The following PDE1A variants were observed in gnomAD, a reference collection of about 807,000 sequenced individuals.
PDE1A encodes phosphodiesterase 1A, also known as dual specificity calcium/calmodulin-dependent 3',5'-cyclic nucleotide phosphodiesterase 1A.
A neutral mutation model predicts 61.7 loss-of-function variants in PDE1A; 35 were observed. The observed-to-expected ratio is 0.57, with a 90% confidence interval of 0.43 to 0.75. The LOEUF (loss-of-function observed/expected upper bound fraction) is 0.75. PDE1A is among the 30% of genes least tolerant of loss of function. The pLI is 0.00. For synonymous variants in PDE1A, 232 were observed against 213.2 expected (o/e 1.09, Z -0.77); for missense variants, 597 against 630.6 (o/e 0.95, Z 0.57).
exon 5 of PDE1A, chr2:182,231,091 T>C (rs1338896657): frequency 1.2e-6 from 2 of 1,607,820 alleles, no homozygotes; most frequent in Non-Finnish European, 1.7e-6. Context: ...TCCACTTGCT[T>C]CATTTAGGGC....
chr2:182,383,504 A>G (rs114532082), intron 1 of PDE1A, among the ~76,000 whole-genome samples: 1 of 152,220 alleles, frequency 6.6e-6, no homozygotes, highest in Non-Finnish European at 1.5e-5. Flanking sequence ...AATAAATTTA[A>G]AACATATATA....
intron 1 of PDE1A, among the ~76,000 whole-genome samples, chr2:182,406,731 T>C (rs371535156): frequency 6.6e-6 from 1 of 152,128 alleles, no homozygotes; most frequent in Admixed American, 6.5e-5. Context: ...AAATATTTTC[T>C]TTAGTTGAAA....
intron 1 of PDE1A, among the ~76,000 whole-genome samples, chr2:182,278,456 T>G (rs1693586819): frequency 6.6e-6 from 1 of 152,016 alleles, no homozygotes; most frequent in African/African-American, 2.4e-5. Context: ...TAGAGAAAGT[T>G]TAGCATTAAA....
the PDE1A span, among the ~76,000 whole-genome samples, chr2:182,713,540 A>C: frequency 6.6e-6 from 1 of 152,190 alleles, no homozygotes; most frequent in East Asian, 1.9e-4. Flanking sequence ...CTGAGACAGG[A>C]GAATTGCTTG....
the PDE1A span, among the ~76,000 whole-genome samples, chr2:182,671,561 C>T: frequency 2.7e-5 from 4 of 150,760 alleles, 1 homozygote; most frequent in Non-Finnish European, 3.0e-5. Context: ...ATTTCTTGAC[C>T]CTTCCTTACT....
chr2:182,229,331 T>C (rs1689383732), intron 6 of PDE1A, among the ~76,000 whole-genome samples: 1 of 152,122 alleles, frequency 6.6e-6, no homozygotes, highest in African/African-American at 2.4e-5. Context: ...TGCTCCTTTT[T>C]TGAACCCAGC....
At chr2:182,390,865 TGAG>T (rs1701381719) in intron 1 of PDE1A, among the ~76,000 whole-genome samples, 1 of 152,172 alleles carries the variant, frequency 6.6e-6, no homozygotes, top group African/African-American at 2.4e-5. Flanking sequence ...CACCTTTCTC[TGAG>T]GAGAACAACC....
chr2:182,623,050 C>G, the PDE1A span, among the ~76,000 whole-genome samples: 1 of 152,092 alleles, frequency 6.6e-6, no homozygotes, highest in Non-Finnish European at 1.5e-5. Context: ...TTTACTTGGT[C>G]CACACTGAAC....
At chr2:182,530,138 T>C in the PDE1A span, among the ~76,000 whole-genome samples, 3 of 152,170 alleles carry the variant, frequency 2.0e-5, no homozygotes, top group Non-Finnish European at 4.4e-5. Context: ...CTAAACAAGA[T>C]TGAGTAATGA....
At chr2:182,352,224 C>A (rs1406094257) in intron 1 of PDE1A, among the ~76,000 whole-genome samples, 1 of 152,192 alleles carries the variant, frequency 6.6e-6, no homozygotes, top group African/African-American at 2.4e-5. Flanking sequence ...AAATGGGTTC[C>A]CAAGCCCAGT....
chr2:182,325,743 C>A (rs1696998303), intron 1 of PDE1A, among the ~76,000 whole-genome samples: 1 of 152,042 alleles, frequency 6.6e-6, no homozygotes, highest in African/African-American at 2.4e-5. Context: ...CATGGTGAAA[C>A]CCCGTCTCTA....
At chr2:182,399,678 T>C (rs995146426) in intron 1 of PDE1A, among the ~76,000 whole-genome samples, 1 of 152,082 alleles carries the variant, frequency 6.6e-6, no homozygotes, top group African/African-American at 2.4e-5. Context: ...AGTGAAACCA[T>C]TCTAGTATAG....
chr2:182,250,566 A>T (rs2568681), intron 2 of PDE1A, among the ~76,000 whole-genome samples: 66,759 of 151,092 alleles, frequency 0.44, 15,284 homozygotes, highest in East Asian at 0.64. Context: ...GCTTTTTTTT[A>T]AAAAAAAGTT....
At chr2:182,358,215 G>T (rs139704953) in intron 1 of PDE1A, among the ~76,000 whole-genome samples, 17 of 152,206 alleles carry the variant, frequency 1.1e-4, no homozygotes, top group Non-Finnish European at 2.5e-4. Context: ...GTTCTGGAAA[G>T]CCATGGATAG....
intron 1 of PDE1A, among the ~76,000 whole-genome samples, chr2:182,397,115 T>C (rs1701748968): frequency 1.3e-5 from 2 of 152,182 alleles, no homozygotes; most frequent in Admixed American, 6.5e-5. Context: ...TCTGTTCCCA[T>C]GCCTTTCTGC....
chr2:182,476,068 C>T (rs1687339220), intron 2 of PDE1A, among the ~76,000 whole-genome samples: 1 of 151,676 alleles, frequency 6.6e-6, no homozygotes, highest in African/African-American at 2.4e-5. Context: ...AAAAGAAATA[C>T]TATATTAATT....
At chr2:182,576,141 T>A in the PDE1A span, among the ~76,000 whole-genome samples, 1 of 151,984 alleles carries the variant, frequency 6.6e-6, no homozygotes, top group African/African-American at 2.4e-5. Flanking sequence ...TGTCATATAA[T>A]CATTACCACC....
chr2:182,682,300 T>C, the PDE1A span, among the ~76,000 whole-genome samples: 1 of 152,170 alleles, frequency 6.6e-6, no homozygotes, highest in East Asian at 1.9e-4. Flanking sequence ...TTCAAATCTA[T>C]CTTCCTGACC....
chr2:182,550,942 G>C, the PDE1A span, among the ~76,000 whole-genome samples: 1 of 151,676 alleles, frequency 6.6e-6, no homozygotes, highest in African/African-American at 2.4e-5. Flanking sequence ...AAAGCACAAG[G>C]ATATACCAAA....
Sources: gnomAD v4.1 joint callset for allele counts (sites outside exome capture counted in the v4.1 genomes callset) on GRCh38, gnomAD v4.1.1 for gene constraint, MANE v1.5 for transcripts, NCBI Gene and HGNC (gene_info 2026-07-23, HGNC 2026-07-21) for gene names.